Variants in PLGRKT observed in about 807,000 individuals in gnomAD.
PLGRKT encodes the protein plasminogen receptor with a C-terminal lysine.
In PLGRKT, 22 loss-of-function variants were observed where a neutral mutation model predicts 18.5. The ratio of observed to expected loss-of-function variants is 1.19; its 90% CI spans 0.85 to 1.70. PLGRKT has a LOEUF of 1.70. Among genes scored for constraint, PLGRKT ranks in the 40% most tolerant of loss-of-function variants. The probability of loss-of-function intolerance (pLI) is 0.00; values close to 1 mark genes in which losing one functional copy is unlikely to be tolerated. For missense variants in PLGRKT, 235 were observed against 174.4 expected (o/e 1.35, Z -1.96); for synonymous variants, 72 against 52.8 (o/e 1.36, Z -1.58).
intron 3 of PLGRKT, among the ~76,000 whole-genome samples, chr9:5,388,136 T>C (rs1158067139): frequency 3.3e-5 from 5 of 151,740 alleles, no homozygotes; most frequent in South Asian, 2.1e-4. Context: ...GAAGCGAGTA[T>C]AGATGGTGAA....
At chr9:5,433,108 CA>C (rs1206698210) in intron 2 of PLGRKT, among the ~76,000 whole-genome samples, 7 of 149,878 alleles carry the variant, frequency 4.7e-5, no homozygotes, top group African/African-American at 1.7e-4. Context: ...TCTGCCCAGC[CA>C]CCCCGTCTGG....
chr9:5,426,356 A>G (rs1563790693), intron 3 of PLGRKT, among the ~76,000 whole-genome samples: 2 of 152,232 alleles, frequency 1.3e-5, no homozygotes, highest in Non-Finnish European at 2.9e-5. Context: ...TTAAAAAAGG[A>G]AAGAACAGCT....
At chr9:5,359,910 A>G (rs763907435) in intron 5 of PLGRKT, among the ~76,000 whole-genome samples, 8 of 152,248 alleles carry the variant, frequency 5.3e-5, no homozygotes, top group Non-Finnish European at 8.8e-5. Flanking sequence ...TTCACTATAC[A>G]TAAAAATATG....
intron 3 of PLGRKT, among the ~76,000 whole-genome samples, chr9:5,399,274 C>T (rs142282965): frequency 0.012 from 1,846 of 151,830 alleles, 69 homozygotes; most frequent in African/African-American, 0.043. Context: ...ATTCATAGAC[C>T]AGCCAAAAAA....
intron 3 of PLGRKT, among the ~76,000 whole-genome samples, chr9:5,402,897 A>T (rs1818182355): frequency 6.6e-6 from 1 of 151,994 alleles, no homozygotes; most frequent in Admixed American, 6.5e-5. Context: ...CTAAGTATTG[A>T]AACAGAAGGC....
chr9:5,386,794 T>C (rs776640959), intron 3 of PLGRKT, among the ~76,000 whole-genome samples: 63 of 151,936 alleles, frequency 4.1e-4, no homozygotes, highest in Non-Finnish European at 7.8e-4. Flanking sequence ...TCATTCATTA[T>C]GGGCATAAAA....
intron 2 of PLGRKT, among the ~76,000 whole-genome samples, chr9:5,436,326 C>T (rs1309656763): frequency 6.6e-6 from 1 of 152,202 alleles, no homozygotes; most frequent in Non-Finnish European, 1.5e-5. Context: ...GGCCACTTGC[C>T]ATTACTTATT....
At chr9:5,431,098 A>C (rs1380999555) in intron 3 of PLGRKT, among the ~76,000 whole-genome samples, 1 of 152,200 alleles carries the variant, frequency 6.6e-6, no homozygotes, top group Non-Finnish European at 1.5e-5. Context: ...AGAGGCTCTA[A>C]AGAATAATCT....
rs182802383 is a variant in PLGRKT at position 5,410,687 on chromosome 9, T to C, written c.81+21210A>G. Among the ~76,000 whole-genome samples, 392 of 152,346 alleles carry C rather than the reference T, an allele frequency of 2.6e-3. 2 individuals are homozygous for C. Among genetic ancestry groups the C allele is most frequent in the African/African-American group, 8.5e-3 (355 of 41,592 alleles). ...TTCATACTGAAACTTTGTCTAACAC[T>C]ATTGTCTGTTGCATAGCTCTTGGAA... On this transcript the variant is annotated intron_variant, in intron 3 of 5. Transcript: ENST00000223864.
At chr9:5,375,176 G>C (rs1563770217) in intron 3 of PLGRKT, among the ~76,000 whole-genome samples, 1 of 152,174 alleles carries the variant, frequency 6.6e-6, no homozygotes, top group Non-Finnish European at 1.5e-5. Flanking sequence ...AATAAGAAAA[G>C]ATGTACATTT....
At chr9:5,362,376 A>G (rs1052704907) in intron 3 of PLGRKT, among the ~76,000 whole-genome samples, 75 of 152,188 alleles carry the variant, frequency 4.9e-4, no homozygotes, top group African/African-American at 1.7e-3. Flanking sequence ...ACATCTATAG[A>G]GATTTTTCTT....
intron 3 of PLGRKT, among the ~76,000 whole-genome samples, chr9:5,373,045 G>C (rs1250443069): frequency 6.6e-6 from 1 of 152,148 alleles, no homozygotes; most frequent in African/African-American, 2.4e-5. Flanking sequence ...AATTGGGGTG[G>C]AATGGACAGT....
At chr9:5,378,434 G>A (rs1248396240) in intron 3 of PLGRKT, among the ~76,000 whole-genome samples, 1 of 152,166 alleles carries the variant, frequency 6.6e-6, no homozygotes, top group African/African-American at 2.4e-5. Flanking sequence ...CAATATGAAT[G>A]AATCTCATAA....
In PLGRKT at chr9:5,418,691, T is replaced by A; in HGVS notation, c.81+13206A>T. On this transcript the variant is annotated intron_variant, in intron 3 of 5. Coordinates refer to ENST00000223864, the MANE Select transcript of PLGRKT (RefSeq NM_018465.4). The surrounding 1 kb of genome is among the most constrained non-coding windows in gnomAD (Gnocchi z 4.2). ...GGCAGGGGCAGCATGTAGCACCCAC[T>A]GCCGGGAAGTCTGATGAAGACCGGC... The A allele has an allele frequency of 1.5e-6, 1 of 662,364 alleles. No homozygotes were observed. Among genetic ancestry groups the A allele is most frequent in the South Asian group, 1.6e-5 (1 of 60,988 alleles). 41.0% of individuals were successfully genotyped at this position (662,364 alleles called of 1,614,324 possible).
intron 3 of PLGRKT, among the ~76,000 whole-genome samples, chr9:5,398,364 G>C (rs529035829): frequency 3.3e-5 from 5 of 151,974 alleles, no homozygotes; most frequent in East Asian, 3.9e-4. Context: ...AATAGTTACT[G>C]AACTACATAA....
At chr9:5,420,499 T>C (rs1399975963) in intron 3 of PLGRKT, among the ~76,000 whole-genome samples, 1 of 151,760 alleles carries the variant, frequency 6.6e-6, no homozygotes, top group Non-Finnish European at 1.5e-5. Flanking sequence ...GGACAGGAGG[T>C]ATGGGCAGAA....
chr9:5,405,474 A>G (rs1273277369), intron 3 of PLGRKT, among the ~76,000 whole-genome samples: 1 of 152,236 alleles, frequency 6.6e-6, no homozygotes, highest in Non-Finnish European at 1.5e-5. Flanking sequence ...CAACTGTCTG[A>G]TCTTTGACAA....
intron 3 of PLGRKT, among the ~76,000 whole-genome samples, chr9:5,423,538 T>A (rs1416231196): frequency 6.6e-6 from 1 of 152,132 alleles, no homozygotes; most frequent in African/African-American, 2.4e-5. Flanking sequence ...ACATGGTTCC[T>A]CCCAGGCACT....
At chr9:5,430,345 T>A (rs1209777719) in intron 3 of PLGRKT, among the ~76,000 whole-genome samples, 2 of 152,214 alleles carry the variant, frequency 1.3e-5, no homozygotes, top group African/African-American at 4.8e-5. Flanking sequence ...ATCGGATAGC[T>A]GGCTGATTTG....
Sources: allele counts gnomAD v4.1 joint callset (sites outside exome capture counted in the v4.1 genomes callset), GRCh38; gene constraint gnomAD v4.1.1; non-coding constraint Gnocchi (gnomAD v3.1); transcripts MANE v1.5; gene names NCBI Gene and HGNC (gene_info 2026-07-23, HGNC 2026-07-21).